The following PCDH15 variants were observed in gnomAD, a reference collection of about 807,000 sequenced individuals.
PCDH15 encodes protocadherin related 15.
In PCDH15, 129 loss-of-function variants were observed where a neutral mutation model predicts 178.5. The observed-to-expected ratio is 0.72, with a 90% CI of 0.63 to 0.84. PCDH15 has a LOEUF of 0.84. PCDH15 is among the 40% of genes least tolerant of loss of function. The probability of loss-of-function intolerance (pLI) is 0.00; values close to 1 mark genes in which losing one functional copy is unlikely to be tolerated. For synonymous variants in PCDH15, 800 were observed against 732.0 expected (o/e 1.09, Z -1.50); for missense variants, 2,230 against 2,099.9 (o/e 1.06, Z -1.21).
At chr10:54,948,767 T>C (rs1305367262) in intron 2 of PCDH15, among the ~76,000 whole-genome samples, 3 of 151,926 alleles carry the variant, frequency 2.0e-5, no homozygotes, top group Non-Finnish European at 4.4e-5. Flanking sequence ...ATCATATTGG[T>C]TATGTTTATC....
intron 2 of PCDH15, among the ~76,000 whole-genome samples, chr10:54,648,954 C>T (rs1175614471): frequency 1.3e-5 from 2 of 151,976 alleles, no homozygotes; most frequent in Non-Finnish European, 2.9e-5. Context: ...AAGTCTAAGC[C>T]TTAACAGATC....
At chr10:54,554,154 T>C (rs1005057725) in intron 2 of PCDH15, among the ~76,000 whole-genome samples, 3 of 152,120 alleles carry the variant, frequency 2.0e-5, no homozygotes, top group African/African-American at 7.2e-5. Context: ...TATTTTCCCC[T>C]GTCTTTGTTT....
intron 2 of PCDH15, among the ~76,000 whole-genome samples, chr10:55,037,503 A>G (rs113374976): frequency 6.6e-5 from 10 of 152,298 alleles, no homozygotes; most frequent in African/African-American, 1.9e-4. Context: ...AAGTGTTGAG[A>G]TTACAGGCGT....
chr10:53,862,773 T>A (rs1326771853), intron 27 of PCDH15, among the ~76,000 whole-genome samples: 1 of 152,216 alleles, frequency 6.6e-6, no homozygotes, highest in Non-Finnish European at 1.5e-5. Flanking sequence ...GCTTGCATAG[T>A]GCTTTTCCTT....
intron 3 of PCDH15, among the ~76,000 whole-genome samples, chr10:54,464,448 G>A (rs1565344167): frequency 6.6e-6 from 1 of 152,140 alleles, no homozygotes; most frequent in Admixed American, 6.6e-5. Flanking sequence ...TAAGCATTGA[G>A]AGGAACTAGG....
intron 2 of PCDH15, among the ~76,000 whole-genome samples, chr10:54,945,831 T>G (rs1177316696): frequency 3.3e-5 from 5 of 151,938 alleles, no homozygotes; most frequent in African/African-American, 1.2e-4. Flanking sequence ...TCTGCAGATT[T>G]ATTTTAAAGA....
intron 2 of PCDH15, among the ~76,000 whole-genome samples, chr10:55,026,983 G>C (rs1242881996): frequency 6.6e-6 from 1 of 151,868 alleles, no homozygotes; most frequent in Non-Finnish European, 1.5e-5. Flanking sequence ...AACAGGCACG[G>C]GCCAAAGATA....
At chr10:55,400,305 G>A (rs1471318264) in intron 2 of PCDH15, among the ~76,000 whole-genome samples, 2 of 152,036 alleles carry the variant, frequency 1.3e-5, no homozygotes, top group Non-Finnish European at 2.9e-5. Flanking sequence ...ACACAGACCA[G>A]GAATTTCCCC....
chr10:55,228,034 T>C (rs1390984501), intron 1 of PCDH15, among the ~76,000 whole-genome samples: 1 of 152,044 alleles, frequency 6.6e-6, no homozygotes, highest in Non-Finnish European at 1.5e-5. Context: ...ATCTGAGACA[T>C]TGCATCACAG....
At chr10:54,048,853 T>A (rs1351955177) in intron 18 of PCDH15, among the ~76,000 whole-genome samples, 1 of 152,124 alleles carries the variant, frequency 6.6e-6, no homozygotes, top group Admixed American at 6.6e-5. Context: ...TTCAGGTTCT[T>A]TTTTGTTTCC....
intron 2 of PCDH15, among the ~76,000 whole-genome samples, chr10:55,081,446 T>C (rs1012496789): frequency 2.6e-5 from 4 of 152,122 alleles, no homozygotes; most frequent in African/African-American, 9.7e-5. Flanking sequence ...CCTTGGGAGG[T>C]AGGATTTCAA....
At chr10:54,137,225 A>AT (rs1239699519) in intron 14 of PCDH15, among the ~76,000 whole-genome samples, 1 of 152,202 alleles carries the variant, frequency 6.6e-6, no homozygotes. Context: ...TTATCGCTAA[A>AT]TGCATAAAAC....
At chr10:53,984,577 A>G (rs1478084649) in intron 21 of PCDH15, among the ~76,000 whole-genome samples, 1 of 152,222 alleles carries the variant, frequency 6.6e-6, no homozygotes, top group African/African-American at 2.4e-5. Flanking sequence ...ATAATATTCA[A>G]TGCACAAACA....
chr10:54,857,933 A>G (rs1381628158), intron 3 of PCDH15, among the ~76,000 whole-genome samples: 1 of 152,136 alleles, frequency 6.6e-6, no homozygotes, highest in Non-Finnish European at 1.5e-5. Context: ...ATTAACATAT[A>G]TTTTATGTTG....
intron 1 of PCDH15, among the ~76,000 whole-genome samples, chr10:55,294,311 G>A (rs1166388023): frequency 6.6e-6 from 1 of 152,174 alleles, no homozygotes; most frequent in Non-Finnish European, 1.5e-5. Context: ...GCCATACCAT[G>A]TCAATTCTTA....
At chr10:54,723,110 G>C (rs992854215) in intron 1 of PCDH15, among the ~76,000 whole-genome samples, 3 of 151,514 alleles carry the variant, frequency 2.0e-5, no homozygotes, top group Non-Finnish European at 4.4e-5. Context: ...CAAAAAGGAC[G>C]AATCTAGAGG....
chr10:54,429,883 A>G (rs1279781900), intron 3 of PCDH15, among the ~76,000 whole-genome samples: 1 of 152,134 alleles, frequency 6.6e-6, no homozygotes, highest in African/African-American at 2.4e-5. Flanking sequence ...CCAATACAAC[A>G]ATAGTTGGAG....
intron 2 of PCDH15, among the ~76,000 whole-genome samples, chr10:55,508,823 G>A (rs1840816669): frequency 6.6e-6 from 1 of 151,684 alleles, no homozygotes; most frequent in Non-Finnish European, 1.5e-5. Context: ...AAAGTGAGAA[G>A]TTGTATTGTA....
intron 2 of PCDH15, among the ~76,000 whole-genome samples, chr10:54,913,020 G>A (rs556531259): frequency 1.3e-5 from 2 of 152,240 alleles, no homozygotes; most frequent in Non-Finnish European, 2.9e-5. Flanking sequence ...CCTGAAATTG[G>A]AACTTATATG....
Sources: gnomAD v4.1 joint callset for allele counts (sites outside exome capture counted in the v4.1 genomes callset) on GRCh38, gnomAD v4.1.1 for gene constraint, MANE v1.5 for transcripts, NCBI Gene and HGNC (gene_info 2026-07-23, HGNC 2026-07-21) for gene names.